Variants in NAALADL2 observed in about 807,000 individuals in gnomAD.
NAALADL2 encodes N-acetylated alpha-linked acidic dipeptidase like 2.
Under a neutral mutation model 87.2 loss-of-function variants are expected in NAALADL2, and 76 were observed. The ratio of observed to expected loss-of-function variants is 0.87; its 90% CI spans 0.72 to 1.05. NAALADL2 has a LOEUF of 1.05. NAALADL2 is among the 50% of genes least tolerant of loss of function. The pLI is 0.00. For missense variants in NAALADL2, 1,089 were observed against 945.8 expected, an observed-to-expected ratio of 1.15 and a Z score of -1.99; for synonymous variants, 354 against 331.0, an observed-to-expected ratio of 1.07 and a Z score of -0.75.
intron 2 of NAALADL2, 75 bp from the exon 3 acceptor site, chr3:175,233,856 A>C: frequency 1.3e-6 from 1 of 773,970 alleles, no homozygotes; most frequent in East Asian, 2.7e-5. Context: ...TATTGTTCAT[A>C]TATTGAGCAG....
At chr3:175,078,618 T>C (rs1340093650) in intron 1 of NAALADL2, among the ~76,000 whole-genome samples, 1 of 152,140 alleles carries the variant, frequency 6.6e-6, no homozygotes, top group East Asian at 1.9e-4. Flanking sequence ...CCCAGCCCCA[T>C]GCAACCAGTA....
At chr3:174,641,413 C>T (rs1723175341) in intron 2 of NAALADL2, among the ~76,000 whole-genome samples, 1 of 151,470 alleles carries the variant, frequency 6.6e-6, no homozygotes, top group African/African-American at 2.5e-5. Context: ...TGTCATCATA[C>T]CATGGCTAAG....
At chr3:174,845,818 G>A (rs1724557572) in intron 3 of NAALADL2, among the ~76,000 whole-genome samples, 1 of 152,188 alleles carries the variant, frequency 6.6e-6, no homozygotes, top group South Asian at 2.1e-4. Flanking sequence ...GTTGCAGAAG[G>A]TAGGGGAATT....
intron 1 of NAALADL2, among the ~76,000 whole-genome samples, chr3:174,998,933 C>G (rs1431548202): frequency 6.6e-6 from 1 of 152,064 alleles, no homozygotes; most frequent in Non-Finnish European, 1.5e-5. Flanking sequence ...AAACTATCAA[C>G]CTTAAAAATA....
At chr3:174,728,925 G>A (rs943052272) in intron 2 of NAALADL2, among the ~76,000 whole-genome samples, 7 of 151,986 alleles carry the variant, frequency 4.6e-5, no homozygotes, top group Non-Finnish European at 8.8e-5. Context: ...TCATTGGACC[G>A]CCTCATCGAG....
chr3:174,823,668 A>C (rs1023692715), intron 3 of NAALADL2, among the ~76,000 whole-genome samples: 1 of 152,158 alleles, frequency 6.6e-6, no homozygotes, highest in African/African-American at 2.4e-5. Flanking sequence ...AAGAAAACTT[A>C]ATATTCTCTG....
chr3:174,499,581 T>G (rs1356204832), intron 1 of NAALADL2, among the ~76,000 whole-genome samples: 1 of 152,160 alleles, frequency 6.6e-6, no homozygotes, highest in East Asian at 1.9e-4. Flanking sequence ...CTGTGATCCA[T>G]TTTGAATATT....
At chr3:175,747,128 G>C (rs552036467) in intron 12 of NAALADL2, among the ~76,000 whole-genome samples, 1 of 152,220 alleles carries the variant, frequency 6.6e-6, no homozygotes, top group South Asian at 2.1e-4. Flanking sequence ...TTCAAAACTA[G>C]TTTTTCTTTC....
chr3:175,777,414 A>C (rs1267095136), intron 13 of NAALADL2, among the ~76,000 whole-genome samples: 1 of 152,104 alleles, frequency 6.6e-6, no homozygotes, highest in Non-Finnish European at 1.5e-5. Context: ...TGAGGATTAT[A>C]TGCATTAAAA....
intron 9 of NAALADL2, among the ~76,000 whole-genome samples, chr3:175,487,294 T>A (rs2149334767): frequency 6.6e-6 from 1 of 152,318 alleles, no homozygotes; most frequent in South Asian, 2.1e-4. Flanking sequence ...TATAATATTC[T>A]ATGTAATCTA....
chr3:175,390,765 G>T (rs1362182589), intron 5 of NAALADL2, among the ~76,000 whole-genome samples: 1 of 152,122 alleles, frequency 6.6e-6, no homozygotes, highest in Non-Finnish European at 1.5e-5. Context: ...GTATACTCTA[G>T]TTCAGGCAGT....
intron 6 of NAALADL2, among the ~76,000 whole-genome samples, chr3:175,453,278 G>A (rs1549108): frequency 0.72 from 110,070 of 151,946 alleles, 40,491 homozygotes; most frequent in South Asian, 0.82. Context: ...TTATGTTATG[G>A]ACCAACACTG....
intron 1 of NAALADL2, among the ~76,000 whole-genome samples, chr3:175,021,982 C>T (rs986201137): frequency 5.9e-5 from 9 of 151,946 alleles, no homozygotes; most frequent in Non-Finnish European, 1.2e-4. Context: ...GGCTTGTCTT[C>T]CTCATGGTAA....
chr3:175,055,676 A>G (rs537457992), intron 1 of NAALADL2, among the ~76,000 whole-genome samples: 1 of 152,168 alleles, frequency 6.6e-6, no homozygotes, highest in South Asian at 2.1e-4. Flanking sequence ...TTCCTTTTTT[A>G]CATTTTGGAC....
chr3:174,846,854 TA>T (rs1241664749), intron 3 of NAALADL2, among the ~76,000 whole-genome samples: 1 of 152,082 alleles, frequency 6.6e-6, no homozygotes, highest in Non-Finnish European at 1.5e-5. Context: ...TGCTATGTTT[TA>T]GGAAGACCAC....
In NAALADL2 at chr3:174,982,798, T is replaced by TA. The variant is rs145683208; in HGVS notation, c.44-113988dup. Among the ~76,000 whole-genome samples, 22 of 146,122 alleles carry TA rather than the reference T, an allele frequency of 1.5e-4. 1 individual carries two copies. Among genetic ancestry groups the TA allele is most frequent in the South Asian group, 6.4e-4 (3 of 4,660 alleles). ...CTGCTACGTTTCATAGTAACCAGGTTAAAATTTTTTTTTTTTTGAGACGGA... is the reference window on the plus strand; with the variant it reads ...CTGCTACGTTTCATAGTAACCAGGTTAAAAATTTTTTTTTTTTTGAGACGGA... On this transcript the variant is annotated intron_variant, in intron 1 of 13. Transcript: ENST00000454872.
At chr3:174,458,948 C>CATGATCA (rs1716030516) in intron 1 of NAALADL2, among the ~76,000 whole-genome samples, 1 of 152,048 alleles carries the variant, frequency 6.6e-6, no homozygotes, top group Non-Finnish European at 1.5e-5. Context: ...ATCAAAGTAG[C>CATGATCA]AAGCTAGCCT....
chr3:174,533,891 A>G (rs1721473139), intron 1 of NAALADL2, among the ~76,000 whole-genome samples: 1 of 152,236 alleles, frequency 6.6e-6, no homozygotes, highest in South Asian at 2.1e-4. Context: ...ACTGGCAAGA[A>G]ATGCAAGCTA....
At chr3:175,115,805 T>C (rs1350240476) in intron 2 of NAALADL2, among the ~76,000 whole-genome samples, 1 of 151,652 alleles carries the variant, frequency 6.6e-6, no homozygotes, top group Non-Finnish European at 1.5e-5. Context: ...TAGACCAATA[T>C]CCCTGATGAA....
Sources: gnomAD v4.1 joint callset for allele counts (sites outside exome capture counted in the v4.1 genomes callset) on GRCh38, gnomAD v4.1.1 for gene constraint, MANE v1.5 for transcripts, NCBI Gene and HGNC (gene_info 2026-07-23, HGNC 2026-07-21) for gene names.